Variants in ZNF37A observed in about 807,000 individuals in gnomAD.
The protein encoded by ZNF37A is zinc finger protein 37a (KOX 21).
A neutral mutation model predicts 12.3 loss-of-function variants in ZNF37A; 10 were observed. The observed-to-expected ratio is 0.82, with a 90% CI of 0.50 to 1.38. The LOEUF is 1.38. ZNF37A is among the 40% of genes most tolerant of loss of function. The pLI, the probability that ZNF37A is intolerant of heterozygous loss-of-function variation, is 0.00. For missense variants in ZNF37A, 580 were observed against 651.2 expected (o/e 0.89, Z 1.19); for synonymous variants, 207 against 223.0 (o/e 0.93, Z 0.64).
intron 5 of ZNF37A, among the ~76,000 whole-genome samples, chr10:38,108,261 A>G (rs2068308400): frequency 6.6e-6 from 1 of 152,202 alleles, no homozygotes; most frequent in Admixed American, 6.5e-5. Context: ...CTGGGTAAAT[A>G]ATGAAATTAA....
rs1345404040 is a variant in ZNF37A at position 38,122,835 on chromosome 10, A to T, written c.*3998A>T. ...AAAGTGGACAAATGGGATCACATCAAGTTAAAAATCTTCTGCATTGCAAAG... is the reference window on the plus strand; with the variant it reads ...AAAGTGGACAAATGGGATCACATCATGTTAAAAATCTTCTGCATTGCAAAG... On this transcript the variant is annotated 3_prime_UTR_variant, in exon 8 of 8. Transcript: ENST00000685332. 1 of 152,238 alleles carries T rather than the reference A, an allele frequency of 6.6e-6. No individual in the cohort carries two copies. Among genetic ancestry groups the T allele is most frequent in the Non-Finnish European group, 1.5e-5 (1 of 68,036 alleles). The allele number at this position is 152,238 out of a possible 1,614,324, so 9.4% of individuals were successfully genotyped here. A position where few individuals can be genotyped will look rare whatever the true frequency, so the allele number is the denominator to read the frequency against.
chr10:38,122,128 C>T lies in ZNF37A; in HGVS notation c.*3291C>T, dbSNP rs1348211631. ...GCATGCACCTGTAGTCCGAGGTACT[C>T]AGGAGGCAGAGACGTGGGAGGATCG... On this transcript the variant is annotated 3_prime_UTR_variant, in exon 8 of 8. Coordinates refer to ENST00000685332, the MANE Select transcript of ZNF37A (RefSeq NM_001324250.3). The T allele has an allele frequency of 6.6e-6, 1 of 152,106 alleles. No homozygotes were observed. The highest frequency in any genetic ancestry group is 1.5e-5 in the Non-Finnish European group (1 of 68,228). The allele number at this position is 152,106 out of a possible 1,614,324, so 9.4% of individuals were successfully genotyped here.
At chr10:38,145,170 C>T (rs1985707) in intron 7 of ZNF37A, among the ~76,000 whole-genome samples, 62,441 of 151,792 alleles carry the variant, frequency 0.41, 13,025 homozygotes, top group East Asian at 0.5. Flanking sequence ...TTCACACGCT[C>T]CCCATTTTCC....
At chr10:38,104,270 C>CCTCAAAACA (rs2067842075) in intron 5 of ZNF37A, among the ~76,000 whole-genome samples, 3 of 152,134 alleles carry the variant, frequency 2.0e-5, no homozygotes, top group African/African-American at 7.2e-5. Context: ...AAAACAAAGA[C>CCTCAAAACA]AAGCCTGTGA....
At chr10:38,096,042 C>G (rs543180002) in intron 4 of ZNF37A, among the ~76,000 whole-genome samples, 2 of 151,906 alleles carry the variant, frequency 1.3e-5, no homozygotes, top group Admixed American at 1.3e-4. Flanking sequence ...AAAAATTAGC[C>G]GGGTGTGGTG....
intron 7 of ZNF37A, chr10:38,142,307 T>C (rs548850801): frequency 1.1e-4 from 17 of 152,206 alleles, no homozygotes; most frequent in Middle Eastern, 3.4e-3. Context: ...ACAAAAAATA[T>C]ATATTTATGC....
chr10:38,147,673 G>GA (rs2070271899), exon 8 of ZNF37A: 4 of 152,062 alleles, frequency 2.6e-5, no homozygotes, highest in Admixed American at 2.6e-4. Flanking sequence ...ATATTTCAAT[G>GA]AAAAACAGAG....
chr10:38,112,963 A>G (rs1230706024), intron 5 of ZNF37A, among the ~76,000 whole-genome samples: 2 of 151,602 alleles, frequency 1.3e-5, no homozygotes, highest in Non-Finnish European at 2.9e-5. Flanking sequence ...GCCTGCCACC[A>G]TGTCTGGCTA....
intron 4 of ZNF37A, among the ~76,000 whole-genome samples, chr10:38,096,027 A>G (rs1176441707): frequency 6.6e-6 from 1 of 152,140 alleles, no homozygotes; most frequent in African/African-American, 2.4e-5. Flanking sequence ...TCTACTAAAA[A>G]TGCAAAAAAT....
intron 5 of ZNF37A, among the ~76,000 whole-genome samples, chr10:38,112,217 C>T (rs925833623): frequency 1.3e-4 from 19 of 151,834 alleles, no homozygotes; most frequent in African/African-American, 4.6e-4. Context: ...ACTTTTTAAG[C>T]ACTTAGCCTG....
At position 38,112,728 on chromosome 10, in the gene ZNF37A, C is replaced by A. The variant is rs1481949759; in HGVS notation, c.16-2027C>A. On this transcript the variant is annotated intron_variant, in intron 5 of 7. Transcript: ENST00000685332. ...ATTTGTACAATTCTGTATTTTACAT[C>A]CATTTTCTTTTCTTTTCTTTTCTTT... 6.2e-5 allele frequency among the ~76,000 whole-genome samples: 4 copies of A among 64,278 alleles called. 1 individual carries two copies. Among genetic ancestry groups the A allele is most frequent in the Non-Finnish European group, 1.0e-4 (3 of 30,084 alleles). The allele number at this position is 64,278 out of a possible 152,430, so 42.2% of individuals were successfully genotyped here. A position where few individuals can be genotyped will look rare whatever the true frequency, so the allele number is the denominator to read the frequency against.
chr10:38,112,738 T>TCTTGGTCTTGG, intron 5 of ZNF37A, among the ~76,000 whole-genome samples: 4 of 58,894 alleles, frequency 6.8e-5, no homozygotes, highest in African/African-American at 1.9e-4. Context: ...CCATTTTCTT[T>TCTTGGTCTTGG]TCTTTTCTTT....
chr10:38,117,333 G>C (rs1209928171), intron 7 of ZNF37A, 57 bp from the exon 8 acceptor site: 1 of 1,525,670 alleles, frequency 6.6e-7, no homozygotes, highest in African/African-American at 1.4e-5. Context: ...ATAATGCTAA[G>C]TTTATTTCTC....
At chr10:38,113,534 T>C (rs2068998439) in intron 5 of ZNF37A, among the ~76,000 whole-genome samples, 2 of 152,164 alleles carry the variant, frequency 1.3e-5, no homozygotes, top group Admixed American at 1.3e-4. Flanking sequence ...AAGAGCAGCA[T>C]GGCCTGCATG....
At chr10:38,096,123 C>CAG (rs1564907333) in intron 4 of ZNF37A, among the ~76,000 whole-genome samples, 1 of 152,024 alleles carries the variant, frequency 6.6e-6, no homozygotes, top group East Asian at 1.9e-4. Flanking sequence ...ATCATGCCAT[C>CAG]GCACTCCAGC....
exon 8 of ZNF37A, chr10:38,148,549 A>C (rs909039261): frequency 1.3e-5 from 2 of 152,212 alleles, no homozygotes; most frequent in African/African-American, 4.8e-5. Flanking sequence ...CTCTGAGAAC[A>C]CTAAGCTCTG....
rs749218879 is a variant in ZNF37A, at chr10:38,118,539, GGGA to G, written c.1390_1392del (p.Glu464del). On this transcript the variant is annotated inframe_deletion, in exon 8 of 8. Coordinates refer to ENST00000685332, the MANE Select transcript of ZNF37A (RefSeq NM_001324250.3). ...ACAGAACATCTGAGAAGACACACAG[GGGA>G]GAAACCTTTTGGATGTAATGAATGT... 23 of 1,613,908 alleles carry G rather than the reference GGGA, an allele frequency of 1.4e-5. No individual in the cohort carries two copies. The South Asian group carries it at 2.2e-4, about 15-fold the overall frequency.
Position 38,118,186 on chromosome 10 carries a change from T to C in ZNF37A, c.1035T>C (p.His345=). 6.2e-7 allele frequency: 1 copy of C among 1,613,702 alleles called. No individual in the cohort carries two copies. Among genetic ancestry groups the C allele is most frequent in the South Asian group, 1.1e-5 (1 of 91,052 alleles). Residue 345 remains histidine (H), a synonymous_variant, in exon 8 of 8, where the codon CAT becomes CAC. Transcript: ENST00000685332. ...SFSEKSTLTQ[H]QRTHTGEKPY... ...GTGAAAAGTCAACCCTTACTCAACA[T>C]CAAAGAACGCACACAGGGGAGAAAC... is the stretch of plus-strand genomic sequence containing the variant.
chr10:38,135,387 A>AAAAAC (rs1233859679), intron 7 of ZNF37A, among the ~76,000 whole-genome samples: 1 of 152,234 alleles, frequency 6.6e-6, no homozygotes, highest in South Asian at 2.1e-4. Context: ...TCCGTCTCAA[A>AAAAAC]AAAACAAAAC....
Sources: allele counts gnomAD v4.1 joint callset (sites outside exome capture counted in the v4.1 genomes callset), GRCh38; gene constraint gnomAD v4.1.1; transcripts MANE v1.5; gene names NCBI Gene and HGNC (gene_info 2026-07-23, HGNC 2026-07-21).